Variants in ACOX2 observed in about 807,000 individuals in gnomAD.
The protein encoded by ACOX2 is peroxisomal acyl-coenzyme A oxidase 2.
ACOX2 carries 59 observed loss-of-function variants against 77.5 expected under a neutral mutation model. That is an observed-to-expected ratio of 0.76 (90% CI 0.62 to 0.95). The LOEUF is 0.95. ACOX2 is among the 40% of genes least tolerant of loss of function. The probability of loss-of-function intolerance (pLI) is 0.00; values close to 1 mark genes in which losing one functional copy is unlikely to be tolerated. For synonymous variants in ACOX2, 317 were observed against 340.1 expected (o/e 0.93, Z 0.75); for missense variants, 837 against 880.4 (o/e 0.95, Z 0.62).
rs748888103 is a variant in ACOX2, at chr3:58,535,141, C to T, written c.-35G>A. ...GATCTGTCTGGTGACTATGGAGAGA[C>T]ACTTCCAACCCGGCTGCTCCGAGGG... On this transcript the variant is annotated 5_prime_UTR_variant, in exon 2 of 15. Transcript: ENST00000302819. This position sits in a 1 kb window ranked among gnomAD's most constrained non-coding sequence, Gnocchi z 4.8. 27 of 1,613,860 alleles carry T rather than the reference C, an allele frequency of 1.7e-5. No homozygotes were observed. Among genetic ancestry groups the T allele is most frequent in the Non-Finnish European group, 2.3e-5 (27 of 1,179,798 alleles).
At chr3:58,508,745 G>A in intron 14 of ACOX2, 148 bp downstream of exon 14, 1 of 1,071,332 alleles carries the variant, frequency 9.3e-7, no homozygotes, top group South Asian at 1.8e-5. Flanking sequence ...TTTCTTTTAT[G>A]TGTTCTCTAA....
chr3:58,531,145 T>G lies in ACOX2; in HGVS notation c.819+106A>C. On this transcript the variant is annotated intron_variant, in intron 7 of 14. Coordinates refer to ENST00000302819, the MANE Select transcript of ACOX2 (RefSeq NM_003500.4). This position sits in a 1 kb window ranked among gnomAD's most constrained non-coding sequence, Gnocchi z 5.8. ...TCAGAGCCTCTCTTGGGGGAGGAGGTTATGTGGCCCAAACTAAGCTCTATG... is the reference window on the plus strand; with the variant it reads ...TCAGAGCCTCTCTTGGGGGAGGAGGGTATGTGGCCCAAACTAAGCTCTATG... The G allele has an allele frequency of 1.1e-6, 1 of 931,358 alleles. No individual in the cohort carries two copies. Among genetic ancestry groups the G allele is most frequent in the African/African-American group, 1.7e-5 (1 of 60,006 alleles). 57.7% of individuals were successfully genotyped at this position (931,358 alleles called of 1,614,324 possible). A position where few individuals can be genotyped will look rare whatever the true frequency, so the allele number is the denominator to read the frequency against.
chr3:58,530,157 GAC>G (rs1221083981), intron 8 of ACOX2, among the ~76,000 whole-genome samples: 5 of 152,274 alleles, frequency 3.3e-5, no homozygotes, highest in African/African-American at 1.2e-4. Context: ...GACTCGGACA[GAC>G]ACAGAGTCAG....
intron 14 of ACOX2, among the ~76,000 whole-genome samples, chr3:58,506,367 A>G (rs1216621818): frequency 6.6e-6 from 1 of 152,256 alleles, no homozygotes; most frequent in African/African-American, 2.4e-5. Context: ...CAGACAGAAG[A>G]GAGCTTCTCC....
chr3:58,536,190 C>G (rs572973432), intron 1 of ACOX2, among the ~76,000 whole-genome samples: 2 of 152,142 alleles, frequency 1.3e-5, no homozygotes, highest in Non-Finnish European at 2.9e-5. Flanking sequence ...CTGCTGTTCT[C>G]TCTGAACAAA....
chr3:58,532,373 C>A (rs1008964500), intron 5 of ACOX2, among the ~76,000 whole-genome samples: 1 of 149,242 alleles, frequency 6.7e-6, no homozygotes, highest in Admixed American at 6.7e-5. Flanking sequence ...CTTTTTTTTT[C>A]TTTTTCTTCT....
chr3:58,534,633 G>A lies in ACOX2; in HGVS notation c.161-111C>T, dbSNP rs754630553. 8.3e-5 allele frequency: 131 copies of A among 1,583,536 alleles called. No homozygotes were observed. The highest frequency in any genetic ancestry group is 1.1e-4 in the Non-Finnish European group (129 of 1,167,994). On this transcript the variant is annotated intron_variant, in intron 2 of 14. Transcript: ENST00000302819. This position sits in a 1 kb window ranked among gnomAD's most constrained non-coding sequence, Gnocchi z 4.8. The stretch of plus-strand genomic sequence containing the variant: ...TCTGGAAAGGAAGTCAGACATTATT[G>A]TTATTTTACAGATGACAAAACTGAG...
At chr3:58,516,023 A>AT (rs1372220721) in intron 13 of ACOX2, among the ~76,000 whole-genome samples, 1 of 150,130 alleles carries the variant, frequency 6.7e-6, no homozygotes, top group South Asian at 2.1e-4. Context: ...TAGGACTCTG[A>AT]TCAGGTTGGG....
chr3:58,531,104 C>A lies in ACOX2; in HGVS notation c.819+147G>T, dbSNP rs2063434984. 2 of 690,346 alleles carry A rather than the reference C, an allele frequency of 2.9e-6. No homozygotes were observed. The highest frequency in any genetic ancestry group is 5.9e-5 in the Admixed American group (2 of 33,976). The allele number at this position is 690,346 out of a possible 1,614,324, so 42.8% of individuals were successfully genotyped here. A position where few individuals can be genotyped will look rare whatever the true frequency, so the allele number is the denominator to read the frequency against. ...TACTGCTCCTAAGCAGGGGTTTCACCCCAATCTGTGGGATATCAGAGCCTC... is the reference window on the plus strand; with the variant it reads ...TACTGCTCCTAAGCAGGGGTTTCACACCAATCTGTGGGATATCAGAGCCTC... On this transcript the variant is annotated intron_variant, in intron 7 of 14. Coordinates refer to ENST00000302819, the MANE Select transcript of ACOX2 (RefSeq NM_003500.4). The surrounding 1 kb of genome is among the most constrained non-coding windows in gnomAD (Gnocchi z 5.8).
chr3:58,510,131 C>T (rs2063267503), intron 13 of ACOX2, among the ~76,000 whole-genome samples: 1 of 152,044 alleles, frequency 6.6e-6, no homozygotes. Context: ...ATAATTTTGG[C>T]CAGACCAATA....
chr3:58,534,769 G>A lies in ACOX2; in HGVS notation c.160+178C>T. On this transcript the variant is annotated intron_variant, in intron 2 of 14. Transcript: ENST00000302819. The surrounding 1 kb of genome is among the most constrained non-coding windows in gnomAD (Gnocchi z 4.8). ...CTAGGACTCTTCTATCCCCTAGGTG[G>A]GCTCAGGCAATATTGACATGTGAAG... 1.5e-6 allele frequency: 2 copies of A among 1,346,334 alleles called. No individual in the cohort carries two copies. The highest frequency in any genetic ancestry group is 2.5e-5 in the South Asian group (2 of 81,210). The allele number at this position is 1,346,334 out of a possible 1,614,324, so 83.4% of individuals were successfully genotyped here.
intron 5 of ACOX2, among the ~76,000 whole-genome samples, chr3:58,532,685 C>T (rs934264621): frequency 1.3e-5 from 2 of 152,100 alleles, no homozygotes; most frequent in African/African-American, 4.8e-5. Context: ...GCACCCGGCT[C>T]ATGTCTCTCT....
At position 58,528,891 on chromosome 3, in the gene ACOX2, A is replaced by C; in HGVS notation, c.1058T>G (p.Ile353Ser). Reference sequence around the variant, plus strand: ...TGCCAGGAAATGGAAGGCATAACTGATGGCCAGCTGAGGAAAGAGTTTCTG... The same window carrying C: ...TGCCAGGAAATGGAAGGCATAACTGCTGGCCAGCTGAGGAAAGAGTTTCTG... ...QQQKLFPQLA[I>S]SYAFHFLAVS... The change falls in exon 9 of 15, where the codon ATC (isoleucine) becomes AGC (serine). Residue 353 changes from isoleucine to serine, a missense_variant. Ile to Ser is a moderately radical substitution (Grantham distance 142, BLOSUM62 -2). Coordinates refer to ENST00000302819, the MANE Select transcript of ACOX2 (RefSeq NM_003500.4). The surrounding 1 kb of genome is among the most constrained non-coding windows in gnomAD (Gnocchi z 5.6). 6.2e-7 allele frequency: 1 copy of C among 1,613,738 alleles called. No homozygotes were observed. Among genetic ancestry groups the C allele is most frequent in the Non-Finnish European group, 8.5e-7 (1 of 1,179,820 alleles).
chr3:58,530,329 T>G, intron 8 of ACOX2, 137 bp downstream of exon 8: 3 of 1,266,984 alleles, frequency 2.4e-6, no homozygotes, highest in Non-Finnish European at 3.3e-6. Context: ...AGATTTTGTG[T>G]TTGTGTGTGT....
Position 58,534,470 on chromosome 3 carries a change from C to A in ACOX2, c.213G>T (p.Met71Ile). The A allele has an allele frequency of 6.2e-7, 1 of 1,614,180 alleles. No homozygotes were observed. The highest frequency in any genetic ancestry group is 8.5e-7 in the Non-Finnish European group (1 of 1,180,036). The change falls in exon 3 of 15, where the codon ATG becomes ATT. Residue 71 changes from methionine (M) to isoleucine (I), a missense_variant. Physicochemically the swap from Met to Ile is conservative, Grantham distance 10. Transcript: ENST00000302819. This position sits in a 1 kb window ranked among gnomAD's most constrained non-coding sequence, Gnocchi z 4.8. The stretch of plus-strand genomic sequence containing the variant: ...CAGCCTTATAACGCTCATTCTGGGT[C>A]ATGAAATAATTGTCCTTACAGCTAA... ...PEFSCKDNYFMTQNERYKAAM... is the reference protein window; with the variant it reads ...PEFSCKDNYFITQNERYKAAM...
rs1034136450 is a variant in ACOX2, at chr3:58,521,289, C to T, written c.1632+1207G>A. Among the ~76,000 whole-genome samples, 16 of 152,192 alleles carry T rather than the reference C, an allele frequency of 1.1e-4. No individual in the cohort carries two copies. The highest frequency in any genetic ancestry group is 5.9e-5 in the Non-Finnish European group (4 of 68,038). Reference sequence around the variant, plus strand: ...AGCCTGCCTGACCAGCCCTGTCCCACGAGGGCCTCTGCAGCCCTTCAGGGC... The same window carrying T: ...AGCCTGCCTGACCAGCCCTGTCCCATGAGGGCCTCTGCAGCCCTTCAGGGC... On this transcript the variant is annotated intron_variant, in intron 12 of 14. Transcript: ENST00000302819. The surrounding 1 kb of genome is among the most constrained non-coding windows in gnomAD (Gnocchi z 4.8).
At chr3:58,530,384 G>A (rs1363552909) in intron 8 of ACOX2, 82 bp downstream of exon 8, 2 of 1,545,202 alleles carry the variant, frequency 1.3e-6, no homozygotes, top group East Asian at 4.5e-5. Flanking sequence ...TCTGGCTCTG[G>A]CAGAAGGGTG....
rs1033371034 is a variant in ACOX2 at position 58,519,052 on chromosome 3, A to G, written c.1633-1629T>C. Among the ~76,000 whole-genome samples, 5 of 152,080 alleles carry G rather than the reference A, an allele frequency of 3.3e-5. No homozygotes were observed. Among genetic ancestry groups the G allele is most frequent in the African/African-American group, 9.7e-5 (4 of 41,416 alleles). ...TCTAACAAGGTCCCCTGTGATGCCC[A>G]TGCTGCTGTAGTGATTTTCAGTAGC... On this transcript the variant is annotated intron_variant, in intron 12 of 14. Coordinates refer to ENST00000302819, the MANE Select transcript of ACOX2 (RefSeq NM_003500.4). This position sits in a 1 kb window ranked among gnomAD's most constrained non-coding sequence, Gnocchi z 5.0.
rs570361320 is a variant in ACOX2 at position 58,528,266 on chromosome 3, A to G, written c.1155+528T>C. ...TGAATTTTACTATATATGTAAGTCCACAATGCTTTACCTGAGACCTGTGAG... is the reference window on the plus strand; with the variant it reads ...TGAATTTTACTATATATGTAAGTCCGCAATGCTTTACCTGAGACCTGTGAG... On this transcript the variant is annotated intron_variant, in intron 9 of 14. Coordinates refer to ENST00000302819, the MANE Select transcript of ACOX2 (RefSeq NM_003500.4). The surrounding 1 kb of genome is among the most constrained non-coding windows in gnomAD (Gnocchi z 5.6). Among the ~76,000 whole-genome samples the G allele has an allele frequency of 1.3e-5, 2 of 152,332 alleles. No individual in the cohort carries two copies. The highest frequency in any genetic ancestry group is 1.5e-5 in the Non-Finnish European group (1 of 68,026).
Sources: allele counts gnomAD v4.1 joint callset (sites outside exome capture counted in the v4.1 genomes callset), GRCh38; gene constraint gnomAD v4.1.1; non-coding constraint Gnocchi (gnomAD v3.1); transcripts MANE v1.5; gene names NCBI Gene and HGNC (gene_info 2026-07-23, HGNC 2026-07-21).